LARP4B: variants seen among roughly 807,000 people sequenced by gnomAD.
The protein encoded by LARP4B is La ribonucleoprotein 4B, also known as la-related protein 4B.
LARP4B carries 12 observed loss-of-function variants against 89.8 expected under a neutral mutation model. The observed-to-expected ratio is 0.13, with a 90% CI of 0.09 to 0.22. The LOEUF (loss-of-function observed/expected upper bound fraction) is 0.22. Ranked by LOEUF, LARP4B falls within the 10% of genes least tolerant of loss-of-function variation. The pLI is 1.00. For missense variants in LARP4B, 757 were observed against 947.7 expected (o/e 0.80, Z 2.64); for synonymous variants, 367 against 363.3 (o/e 1.01, Z -0.12).
the LARP4B span, chr10:972,279 C>T: frequency 2.6e-5 from 9 of 350,606 alleles, no homozygotes; most frequent in Non-Finnish European, 3.9e-5. Context: ...CTGCCTGCCT[C>T]GACCTCCCAA....
intron 3 of LARP4B, among the ~76,000 whole-genome samples, chr10:882,489 G>A (rs1375641865): frequency 1.3e-5 from 2 of 151,692 alleles, no homozygotes; most frequent in African/African-American, 4.8e-5. Context: ...CCAGGTTAAC[G>A]CCATTCTCCT....
At chr10:866,885 C>T (rs372521680) in intron 3 of LARP4B, among the ~76,000 whole-genome samples, 1 of 152,320 alleles carries the variant, frequency 6.6e-6, no homozygotes, top group Non-Finnish European at 1.5e-5. Context: ...TTGGGGCTCC[C>T]GTGGCCCTCG....
the LARP4B span, among the ~76,000 whole-genome samples, chr10:954,823 G>C: frequency 0.027 from 1,479 of 55,804 alleles, 50 homozygotes; most frequent in African/African-American, 0.1. The surrounding 1 kb of genome is among the most constrained non-coding windows in gnomAD (Gnocchi z 5.0). Context: ...TCCCATCCAC[G>C]CTTCCCCAGG....
the LARP4B span, among the ~76,000 whole-genome samples, chr10:973,746 C>T: frequency 6.6e-6 from 1 of 152,280 alleles, no homozygotes; most frequent in East Asian, 1.9e-4. Context: ...CATTTGCATG[C>T]TGTAGTTAAG....
intron 13 of LARP4B, among the ~76,000 whole-genome samples, chr10:821,966 G>C (rs187962996): frequency 4.5e-4 from 69 of 152,290 alleles, no homozygotes; most frequent in Middle Eastern, 3.4e-3. Flanking sequence ...AGGAACAGGG[G>C]GCTTGGTGCT....
chr10:907,868 A>G (rs1013410012), intron 1 of LARP4B, among the ~76,000 whole-genome samples: 4 of 152,218 alleles, frequency 2.6e-5, no homozygotes, highest in African/African-American at 7.2e-5. Flanking sequence ...TTGATCATCA[A>G]TGGCCAATGA....
At chr10:864,064 G>A in intron 4 of LARP4B, 59 bp downstream of exon 4, 1 of 1,603,604 alleles carries the variant, frequency 6.2e-7, no homozygotes, top group Non-Finnish European at 8.5e-7. Flanking sequence ...GATTAAAATG[G>A]CAACAAAAGC....
At chr10:905,691 AGGAGCAAGGGAGGAGCTG>A (rs1836471579) in intron 1 of LARP4B, among the ~76,000 whole-genome samples, 1 of 150,084 alleles carries the variant, frequency 6.7e-6, no homozygotes, top group Non-Finnish European at 1.5e-5. Flanking sequence ...GGAGGAGCTG[AGGAGCAAGGGAGGAGCTG>A]AGGAGCAGGG....
intron 5 of LARP4B, among the ~76,000 whole-genome samples, chr10:854,936 T>C (rs1241556801): frequency 6.6e-6 from 1 of 152,240 alleles, no homozygotes; most frequent in Non-Finnish European, 1.5e-5. Context: ...ATCAATTATC[T>C]TACCCAGATC....
At chr10:926,152 C>A (rs1837127861) in intron 1 of LARP4B, among the ~76,000 whole-genome samples, 1 of 152,170 alleles carries the variant, frequency 6.6e-6, no homozygotes, top group Non-Finnish European at 1.5e-5. Context: ...TTACCAGTCC[C>A]TGGGCTGGGC....
At chr10:860,127 T>TGGGGGGGG (rs60607691) in intron 5 of LARP4B, among the ~76,000 whole-genome samples, 203 of 96,038 alleles carry the variant, frequency 2.1e-3, no homozygotes, top group Non-Finnish European at 2.6e-3. Context: ...TGTGTGGGGG[T>TGGGGGGGG]GGGGGGGAGG....
chr10:868,118 T>G (rs138107005), intron 3 of LARP4B, among the ~76,000 whole-genome samples: 27 of 151,998 alleles, frequency 1.8e-4, no homozygotes, highest in African/African-American at 5.8e-4. Flanking sequence ...TAACTACCGA[T>G]ACGAGACAGA....
the LARP4B span, among the ~76,000 whole-genome samples, chr10:943,751 A>AG: frequency 6.6e-6 from 1 of 151,736 alleles, no homozygotes; most frequent in Admixed American, 6.6e-5. Flanking sequence ...GGGAAGGTGC[A>AG]GGGGGGCCCA....
chr10:871,943 C>G (rs1391609730), intron 3 of LARP4B, among the ~76,000 whole-genome samples: 1 of 152,196 alleles, frequency 6.6e-6, no homozygotes, highest in African/African-American at 2.4e-5. Context: ...CCCTGCAACA[C>G]ATGCAGTGTC....
intron 1 of LARP4B, among the ~76,000 whole-genome samples, chr10:918,745 A>T (rs10904581): frequency 0.19 from 28,472 of 151,876 alleles, 2,903 homozygotes; most frequent in Non-Finnish European, 0.23. Flanking sequence ...AGATAACTTT[A>T]CTCAATCTTG....
chr10:913,274 A>C (rs992131364), intron 1 of LARP4B, among the ~76,000 whole-genome samples: 6 of 152,158 alleles, frequency 3.9e-5, no homozygotes, highest in Admixed American at 1.3e-4. Flanking sequence ...AAATCTTATA[A>C]AACTGTAAGA....
At chr10:947,996 G>A in the LARP4B span, among the ~76,000 whole-genome samples, 1 of 152,092 alleles carries the variant, frequency 6.6e-6, no homozygotes, top group African/African-American at 2.4e-5. Context: ...TGCTGGCAGT[G>A]TGATAGTGGA....
At chr10:972,495 T>G in the LARP4B span, 1 of 456,760 alleles carries the variant, frequency 2.2e-6, no homozygotes, top group East Asian at 6.9e-5. Context: ...GCTCTCATTC[T>G]ATTCTCAGAG....
chr10:856,809 A>AGG (rs930007706), intron 5 of LARP4B, among the ~76,000 whole-genome samples: 1 of 152,198 alleles, frequency 6.6e-6, no homozygotes, highest in African/African-American at 2.4e-5. Flanking sequence ...CTTCTTAACA[A>AGG]GGTCTGCCCT....
Sources: allele counts gnomAD v4.1 joint callset (sites outside exome capture counted in the v4.1 genomes callset), GRCh38; gene constraint gnomAD v4.1.1; non-coding constraint Gnocchi (gnomAD v3.1); transcripts MANE v1.5; gene names NCBI Gene and HGNC (gene_info 2026-07-23, HGNC 2026-07-21).